The following LYRM2 variants were observed in gnomAD, a reference collection of about 807,000 sequenced individuals.
LYRM2 encodes LYR motif containing 2.
LYRM2 carries 8 observed loss-of-function variants against 11.6 expected under a neutral mutation model. The observed-to-expected ratio is 0.69, with a 90% CI of 0.40 to 1.24. The LOEUF (loss-of-function observed/expected upper bound fraction) is 1.24. Ranked by LOEUF, LYRM2 falls within the 50% of genes most tolerant of loss-of-function variation. LYRM2 has a pLI of 0.01. For synonymous variants in LYRM2, 30 were observed against 36.4 expected, an observed-to-expected ratio of 0.83 and a Z score of 0.63; for missense variants, 117 against 102.9, an observed-to-expected ratio of 1.14 and a Z score of -0.59.
In LYRM2 at chr6:89,633,297, T is replaced by C. The variant is rs962455760; in HGVS notation, c.*3976A>G. The C allele has an allele frequency of 1.3e-4, 20 of 152,228 alleles. No homozygotes were observed. Among genetic ancestry groups the C allele is most frequent in the African/African-American group, 4.6e-4 (19 of 41,462 alleles). The allele number at this position is 152,228 out of a possible 1,614,324, so 9.4% of individuals were successfully genotyped here. A position where few individuals can be genotyped will look rare whatever the true frequency, so the allele number is the denominator to read the frequency against. ...GCAACATCTATTAAGACCAATGCAA[T>C]ACCTTTTCATCTTCAGCAAATGTTG... On this transcript the variant is annotated 3_prime_UTR_variant, in exon 3 of 3. Transcript: ENST00000523377.
intron 1 of LYRM2, 199 bp downstream of exon 1, chr6:89,638,473 G>C (rs1019357866): frequency 1.9e-5 from 29 of 1,489,102 alleles, no homozygotes; most frequent in Admixed American, 4.9e-5. Context: ...TCACGCGATC[G>C]CACCAAACCA....
chr6:89,637,439 C>A, intron 2 of LYRM2, 86 bp from the exon 3 acceptor site: 1 of 859,402 alleles, frequency 1.2e-6, no homozygotes, highest in Non-Finnish European at 1.8e-6. Flanking sequence ...AATCAAGAAC[C>A]AATACTACCT....
In LYRM2 at chr6:89,634,291, TTTTA is replaced by T. The variant is rs1807911787; in HGVS notation, c.*2978_*2981del. 6.6e-6 allele frequency: 1 copy of T among 151,702 alleles called. No homozygotes were observed. 9.4% of individuals were successfully genotyped at this position (151,702 alleles called of 1,614,324 possible). On this transcript the variant is annotated 3_prime_UTR_variant, in exon 3 of 3. Transcript: ENST00000523377. ...TAAAACATACATTTCTTATTTGTAA[TTTTA>T]TTTAAGGAGAAATACTCTTTCCCTT...
chr6:89,638,048 G>A (rs1168314441), intron 1 of LYRM2, among the ~76,000 whole-genome samples, 166 bp from the exon 2 acceptor site: 2 of 151,942 alleles, frequency 1.3e-5, no homozygotes, highest in Non-Finnish European at 2.9e-5. Flanking sequence ...CAGTGGCTCA[G>A]GCCTGTAATC....
chr6:89,633,322 G>A lies in LYRM2; in HGVS notation c.*3951C>T, dbSNP rs557514213. On this transcript the variant is annotated 3_prime_UTR_variant, in exon 3 of 3. Coordinates refer to ENST00000523377, the MANE Select transcript of LYRM2 (RefSeq NM_020466.5). ...TACCTTTTCATCTTCAGCAAATGTT[G>A]TTTCATCTGTTTTTGATCCTTGGCA... The A allele has an allele frequency of 2.6e-5, 4 of 152,326 alleles. No individual in the cohort carries two copies. Among genetic ancestry groups the A allele is most frequent in the African/African-American group, 9.6e-5 (4 of 41,576 alleles). 9.4% of individuals were successfully genotyped at this position (152,326 alleles called of 1,614,324 possible).
chr6:89,637,998 G>T, intron 1 of LYRM2, 116 bp from the exon 2 acceptor site: 3 of 1,176,124 alleles, frequency 2.6e-6, no homozygotes, highest in Non-Finnish European at 3.6e-6. Flanking sequence ...TTTTGAAAAA[G>T]GCAAAGAAAA....
At position 89,636,680 on chromosome 6, in the gene LYRM2, G is replaced by GCT. The variant is rs1275271207; in HGVS notation, c.*592_*593insAG. 24,615 of 129,280 alleles carry GCT rather than the reference G, an allele frequency of 0.19. 2,371 individuals are homozygous for GCT. The highest frequency in any genetic ancestry group is 0.33 in the South Asian group (1,400 of 4,188). 8.0% of individuals were successfully genotyped at this position (129,280 alleles called of 1,614,324 possible). On this transcript the variant is annotated 3_prime_UTR_variant, in exon 3 of 3. Transcript: ENST00000523377. Reference sequence around the variant, plus strand: ...TCTAGTGAATGTGAATCTCAGGGTTGTTTTTTTTTTTTTTTTTTAGAGACT... The same window carrying GCT: ...TCTAGTGAATGTGAATCTCAGGGTTGCTTTTTTTTTTTTTTTTTTTAGAGACT...
chr6:89,637,765 T>C lies in LYRM2; in HGVS notation c.163A>G (p.Arg55Gly), dbSNP rs1342326121. 1 of 1,614,096 alleles carries C rather than the reference T, an allele frequency of 6.2e-7. No individual in the cohort carries two copies. Among genetic ancestry groups the C allele is most frequent in the Non-Finnish European group, 8.5e-7 (1 of 1,179,948 alleles). ...ACCTCTTCGGTGGCACTTTTGTTTC[T>C]TCTGAATTCTTCTCTTGCCCAATCT... ...LKDWAREEFR[R>G]NKSATEEDTI... Residue 55 changes from arginine (R) to glycine (G), a missense_variant, in exon 2 of 3, where the codon AGA (arginine) becomes GGA (glycine). Coordinates refer to ENST00000523377, the MANE Select transcript of LYRM2 (RefSeq NM_020466.5).
At chr6:89,637,619 C>T (rs970048621) in intron 2 of LYRM2, 123 bp downstream of exon 2, 4 of 860,342 alleles carry the variant, frequency 4.6e-6, no homozygotes, top group Non-Finnish European at 5.3e-6. Flanking sequence ...ACATTACAAG[C>T]AATGATCAAG....
chr6:89,637,621 A>G (rs1258276211), intron 2 of LYRM2, 121 bp downstream of exon 2: 7 of 878,250 alleles, frequency 8.0e-6, no homozygotes, highest in South Asian at 6.0e-5. Context: ...ATTACAAGCA[A>G]TGATCAAGAT....
At position 89,632,708 on chromosome 6, in the gene LYRM2, C is replaced by T. The variant is rs926972879; in HGVS notation, c.*4565G>A. 9 of 152,164 alleles carry T rather than the reference C, an allele frequency of 5.9e-5. No homozygotes were observed. Among genetic ancestry groups the T allele is most frequent in the Admixed American group, 4.6e-4 (7 of 15,268 alleles). The allele number at this position is 152,164 out of a possible 1,614,324, so 9.4% of individuals were successfully genotyped here. On this transcript the variant is annotated 3_prime_UTR_variant, in exon 3 of 3. Transcript: ENST00000523377. Reference sequence around the variant, plus strand: ...TACTACGCAGGTAGACAGTCTTCCCCCAGAGACTCATTAGATTGCAATATA... The same window carrying T: ...TACTACGCAGGTAGACAGTCTTCCCTCAGAGACTCATTAGATTGCAATATA...
chr6:89,638,414 G>A lies in LYRM2; in HGVS notation c.45+258C>T, dbSNP rs897249079. 8.5e-6 allele frequency: 12 copies of A among 1,417,554 alleles called. No homozygotes were observed. In the African/African-American group the frequency reaches 1.4e-4, roughly 17 times the overall value. 87.8% of individuals were successfully genotyped at this position (1,417,554 alleles called of 1,614,324 possible). ...GCAATAGACTTTTACCGTGGGCACT[G>A]GGCAGCTGAGGCACCGGGACTCAGG... On this transcript the variant is annotated intron_variant, in intron 1 of 2. Coordinates refer to ENST00000523377, the MANE Select transcript of LYRM2 (RefSeq NM_020466.5).
At chr6:89,637,675 TA>T (rs543524750) in intron 2 of LYRM2, 66 bp downstream of exon 2, 15,720 of 1,203,358 alleles carry the variant, frequency 0.013, no homozygotes, top group South Asian at 0.026. Flanking sequence ...CTGCTAAACT[TA>T]AAAAAAAAAA....
rs1165247093 is a variant in LYRM2 at position 89,636,200 on chromosome 6, A to C, written c.*1073T>G. 6.6e-6 allele frequency: 1 copy of C among 152,242 alleles called. No homozygotes were observed. Among genetic ancestry groups the C allele is most frequent in the African/African-American group, 2.4e-5 (1 of 41,456 alleles). 9.4% of individuals were successfully genotyped at this position (152,242 alleles called of 1,614,324 possible). ...TAAAATGTACAGTTCAGTGGATTTG[A>C]ATATATTCAAGAGTTGTGCAGCCTA... On this transcript the variant is annotated 3_prime_UTR_variant, in exon 3 of 3. Transcript: ENST00000523377.
rs959461946 is a variant in LYRM2 at position 89,634,621 on chromosome 6, G to A, written c.*2652C>T. 6.6e-5 allele frequency: 10 copies of A among 152,084 alleles called. No individual in the cohort carries two copies. Among genetic ancestry groups the A allele is most frequent in the African/African-American group, 2.2e-4 (9 of 41,406 alleles). The allele number at this position is 152,084 out of a possible 1,614,324, so 9.4% of individuals were successfully genotyped here. On this transcript the variant is annotated 3_prime_UTR_variant, in exon 3 of 3. Transcript: ENST00000523377. ...AGCTAAATGAAAATCTGAAGCAGGTGGATCTCTTGAGCCCAGGAGCTCAAG... is the reference window on the plus strand; with the variant it reads ...AGCTAAATGAAAATCTGAAGCAGGTAGATCTCTTGAGCCCAGGAGCTCAAG...
chr6:89,638,410 C>A, intron 1 of LYRM2: 1 of 1,412,816 alleles, frequency 7.1e-7, no homozygotes, highest in Non-Finnish European at 9.2e-7. Flanking sequence ...TTACCGTGGG[C>A]ACTGGGCAGC....
chr6:89,638,058 C>G (rs1808063030), intron 1 of LYRM2, among the ~76,000 whole-genome samples, 176 bp from the exon 2 acceptor site: 1 of 151,868 alleles, frequency 6.6e-6, no homozygotes, highest in Non-Finnish European at 1.5e-5. Context: ...GGCCTGTAAT[C>G]CCAGCACTTT....
intron 1 of LYRM2, chr6:89,638,409 G>A: frequency 2.8e-6 from 4 of 1,411,442 alleles, no homozygotes; most frequent in Non-Finnish European, 2.8e-6. Flanking sequence ...TTTACCGTGG[G>A]CACTGGGCAG....
In LYRM2 at chr6:89,635,135, T is replaced by G. The variant is rs1171159747; in HGVS notation, c.*2138A>C. The G allele has an allele frequency of 6.6e-6, 1 of 152,250 alleles. No homozygotes were observed. Among genetic ancestry groups the G allele is most frequent in the Non-Finnish European group, 1.5e-5 (1 of 68,046 alleles). 9.4% of individuals were successfully genotyped at this position (152,250 alleles called of 1,614,324 possible). A position where few individuals can be genotyped will look rare whatever the true frequency, so the allele number is the denominator to read the frequency against. ...TGCAAATGCAAACCACATACGCTCT[T>G]TAATGAAAACCTTTCCATGCACACC... On this transcript the variant is annotated 3_prime_UTR_variant, in exon 3 of 3. Coordinates refer to ENST00000523377, the MANE Select transcript of LYRM2 (RefSeq NM_020466.5).
Sources: allele counts gnomAD v4.1 joint callset (sites outside exome capture counted in the v4.1 genomes callset), GRCh38; gene constraint gnomAD v4.1.1; transcripts MANE v1.5; gene names NCBI Gene and HGNC (gene_info 2026-07-23, HGNC 2026-07-21).